Variants in GLIS3 observed in about 807,000 individuals in gnomAD.
The protein encoded by GLIS3 is zinc finger protein GLIS3.
A neutral mutation model predicts 78.6 loss-of-function variants in GLIS3; 53 were observed. That is an observed-to-expected ratio of 0.67 (90% CI 0.54 to 0.85). The LOEUF is 0.85. Among genes scored for constraint, GLIS3 ranks in the 40% least tolerant of loss-of-function variants. GLIS3 has a pLI of 0.00. For missense variants in GLIS3, 1,703 were observed against 1,231.1 expected (o/e 1.38, Z -5.74); for synonymous variants, 684 against 509.9 (o/e 1.34, Z -4.60).
At chr9:4,161,752 C>G (rs1318012694) in intron 2 of GLIS3, among the ~76,000 whole-genome samples, 4 of 145,234 alleles carry the variant, frequency 2.8e-5, no homozygotes, top group Non-Finnish European at 5.9e-5. Context: ...ATTCTCGGCT[C>G]ACTGTAGCCT....
the GLIS3 span, among the ~76,000 whole-genome samples, chr9:4,366,157 A>T: frequency 6.6e-6 from 1 of 152,308 alleles, no homozygotes; most frequent in East Asian, 1.9e-4. Context: ...TGTGGAATTA[A>T]CTTTAACCGT....
At chr9:4,103,604 C>T (rs976256427) in intron 4 of GLIS3, among the ~76,000 whole-genome samples, 1 of 152,188 alleles carries the variant, frequency 6.6e-6, no homozygotes, top group Non-Finnish European at 1.5e-5. Flanking sequence ...CTGTCATCCC[C>T]ATGTCACCCT....
chr9:4,298,086 T>G (rs1816736140), intron 1 of GLIS3, among the ~76,000 whole-genome samples: 1 of 152,068 alleles, frequency 6.6e-6, no homozygotes, highest in African/African-American at 2.4e-5. Context: ...AACAAACTAG[T>G]GCCGGCTTCC....
chr9:4,128,757 T>A (rs901006220), intron 2 of GLIS3, among the ~76,000 whole-genome samples: 1 of 152,232 alleles, frequency 6.6e-6, no homozygotes, highest in Admixed American at 6.5e-5. Context: ...CCTCTGTAAC[T>A]CTCTACTCTG....
At chr9:3,984,826 G>A (rs569129832) in intron 4 of GLIS3, among the ~76,000 whole-genome samples, 3 of 152,216 alleles carry the variant, frequency 2.0e-5, no homozygotes, top group South Asian at 2.1e-4. Flanking sequence ...TTGTGGGGGC[G>A]TGTCTTCCCT....
chr9:4,171,414 G>GA (rs930507381), intron 2 of GLIS3, among the ~76,000 whole-genome samples: 3 of 151,766 alleles, frequency 2.0e-5, no homozygotes, highest in Non-Finnish European at 4.4e-5. Context: ...TCTCCAACTT[G>GA]AAAAAAAATG....
At chr9:4,321,341 G>C (rs1280185895) in intron 2 of GLIS3, among the ~76,000 whole-genome samples, 1 of 125,464 alleles carries the variant, frequency 8.0e-6, no homozygotes, top group Non-Finnish European at 1.5e-5. Context: ...AGAATGGCGT[G>C]AACCCAGGAG....
intron 4 of GLIS3, among the ~76,000 whole-genome samples, chr9:4,003,766 T>C (rs1821312814): frequency 6.6e-6 from 1 of 152,216 alleles, no homozygotes; most frequent in South Asian, 2.1e-4. Flanking sequence ...ATCTGGATGA[T>C]GGTGAGCTGT....
intron 2 of GLIS3, among the ~76,000 whole-genome samples, chr9:4,234,028 AAG>A (rs1271822469): frequency 6.6e-6 from 1 of 152,182 alleles, no homozygotes; most frequent in Non-Finnish European, 1.5e-5. Context: ...TGTAACACTG[AAG>A]AGAGTTAGGG....
chr9:4,273,160 T>C (rs1475766782), intron 2 of GLIS3, among the ~76,000 whole-genome samples: 1 of 152,132 alleles, frequency 6.6e-6, no homozygotes. Flanking sequence ...AAAAGACAAG[T>C]CTCAAGAATG....
the GLIS3 span, among the ~76,000 whole-genome samples, chr9:4,470,197 A>C: frequency 2.1e-4 from 32 of 152,294 alleles, no homozygotes; most frequent in African/African-American, 4.8e-4. Context: ...TGGTACCATT[A>C]CTTCTGAAAC....
chr9:4,241,967 G>C (rs1470564822), intron 2 of GLIS3, among the ~76,000 whole-genome samples: 2 of 152,052 alleles, frequency 1.3e-5, no homozygotes, highest in Non-Finnish European at 2.9e-5. Flanking sequence ...TACAGGCATC[G>C]GCCACCGTGC....
At chr9:4,411,878 C>T in the GLIS3 span, among the ~76,000 whole-genome samples, 2 of 152,200 alleles carry the variant, frequency 1.3e-5, no homozygotes, top group African/African-American at 2.4e-5. Context: ...ATTTTAAAAA[C>T]ACTTTTGGTT....
intron 5 of GLIS3, chr9:3,932,804 T>C (rs1308501044): frequency 4.5e-6 from 2 of 440,674 alleles, no homozygotes; most frequent in Non-Finnish European, 9.0e-6. Flanking sequence ...CAGTTATGTT[T>C]CCCTGAGAAT....
intron 1 of GLIS3, among the ~76,000 whole-genome samples, chr9:4,293,898 C>A (rs1336250017): frequency 1.3e-5 from 2 of 152,220 alleles, no homozygotes; most frequent in Non-Finnish European, 2.9e-5. Context: ...GTGGCCCCAC[C>A]AGCTTTCCTT....
At chr9:4,187,588 G>T (rs567597513) in intron 2 of GLIS3, among the ~76,000 whole-genome samples, 2 of 152,196 alleles carry the variant, frequency 1.3e-5, no homozygotes, top group East Asian at 3.8e-4. Flanking sequence ...ACCTTGGACT[G>T]TATGGCCATT....
chr9:3,879,007 A>ATAAAG (rs1408614708), intron 8 of GLIS3, among the ~76,000 whole-genome samples: 1 of 152,174 alleles, frequency 6.6e-6, no homozygotes, highest in African/African-American at 2.4e-5. Flanking sequence ...AGATATTAAT[A>ATAAAG]TAAAGTATTC....
At chr9:3,906,448 A>G (rs2130652494) in intron 6 of GLIS3, among the ~76,000 whole-genome samples, 1 of 152,326 alleles carries the variant, frequency 6.6e-6, no homozygotes. Flanking sequence ...AGAGAAACAC[A>G]GGAGCCAAGC....
In GLIS3 at chr9:3,983,287, G is replaced by C. The variant is rs969826780; in HGVS notation, c.1711-46098C>G. ...CTCTTCCTTGCCTTCTGCCATGATT[G>C]TGAGGTCTCCCCAGCCATGTGGAAC... On this transcript the variant is annotated intron_variant, in intron 4 of 10. Coordinates refer to ENST00000381971, the MANE Select transcript of GLIS3 (RefSeq NM_001042413.2). Among the ~76,000 whole-genome samples, 4 of 152,284 alleles carry C rather than the reference G, an allele frequency of 2.6e-5. No homozygotes were observed. The East Asian group carries it at 7.7e-4, about 29-fold the overall frequency.
Sources: allele counts gnomAD v4.1 joint callset (sites outside exome capture counted in the v4.1 genomes callset), GRCh38; gene constraint gnomAD v4.1.1; transcripts MANE v1.5; gene names NCBI Gene and HGNC (gene_info 2026-07-23, HGNC 2026-07-21).